GRID2: variants seen among roughly 807,000 people sequenced by gnomAD.
The protein encoded by GRID2 is glutamate receptor ionotropic, delta-2.
A neutral mutation model predicts 114.8 loss-of-function variants in GRID2; 33 were observed. That is an observed-to-expected ratio of 0.29 (90% CI 0.22 to 0.38). GRID2 has a LOEUF of 0.38. Among genes scored for constraint, GRID2 ranks in the 10% least tolerant of loss-of-function variants. The pLI is 1.00. For missense variants in GRID2, 1,184 were observed against 1,257.7 expected, an observed-to-expected ratio of 0.94 and a Z score of 0.89; for synonymous variants, 505 against 449.9, an observed-to-expected ratio of 1.12 and a Z score of -1.55.
At chr4:92,402,835 G>A (rs190538903) in intron 1 of GRID2, among the ~76,000 whole-genome samples, 95 of 152,206 alleles carry the variant, frequency 6.2e-4, no homozygotes, top group African/African-American at 2.1e-3. Flanking sequence ...TTGAAGCTTC[G>A]AAGGCAGCAA....
intron 2 of GRID2, among the ~76,000 whole-genome samples, chr4:92,991,657 T>G (rs1473045864): frequency 1.3e-5 from 2 of 152,008 alleles, no homozygotes; most frequent in African/African-American, 4.8e-5. Context: ...TGCTACACAT[T>G]TGTAGATCTG....
At chr4:92,869,717 T>A (rs1211593314) in intron 2 of GRID2, among the ~76,000 whole-genome samples, 1 of 152,176 alleles carries the variant, frequency 6.6e-6, no homozygotes, top group African/African-American at 2.4e-5. Context: ...CTTTCCTTGA[T>A]CATGCCAATC....
chr4:92,653,239 C>A (rs1465283623), intron 2 of GRID2, among the ~76,000 whole-genome samples: 7 of 149,918 alleles, frequency 4.7e-5, no homozygotes, highest in Non-Finnish European at 1.0e-4. Context: ...ATCTCGTGAT[C>A]CAGCCCCGCT....
intron 1 of GRID2, among the ~76,000 whole-genome samples, chr4:92,469,788 G>C (rs1428822646): frequency 6.6e-6 from 1 of 151,552 alleles, no homozygotes; most frequent in Non-Finnish European, 1.5e-5. Context: ...GTATGATTAA[G>C]AGTTGATGAG....
At chr4:92,611,620 G>A (rs1281344271) in intron 2 of GRID2, among the ~76,000 whole-genome samples, 2 of 151,498 alleles carry the variant, frequency 1.3e-5, no homozygotes, top group African/African-American at 4.8e-5. Context: ...ATACATTAAT[G>A]TTTACCTTCT....
At chr4:92,735,115 G>T (rs1736527344) in intron 2 of GRID2, among the ~76,000 whole-genome samples, 1 of 151,856 alleles carries the variant, frequency 6.6e-6, no homozygotes, top group Non-Finnish European at 1.5e-5. Context: ...TAGAATGTTA[G>T]TATTGAACAT....
At chr4:93,035,174 A>G (rs1384632633) in intron 2 of GRID2, among the ~76,000 whole-genome samples, 2 of 146,172 alleles carry the variant, frequency 1.4e-5, no homozygotes, top group Non-Finnish European at 3.0e-5. Context: ...AGTGCCATCT[A>G]GGCTCACTGC....
At chr4:93,208,485 C>T (rs1276365921) in intron 5 of GRID2, among the ~76,000 whole-genome samples, 3 of 151,856 alleles carry the variant, frequency 2.0e-5, no homozygotes, top group Non-Finnish European at 4.4e-5. Context: ...GATCATATCA[C>T]GTTAAAATTC....
chr4:93,594,888 G>A (rs1738897291), intron 13 of GRID2, among the ~76,000 whole-genome samples: 1 of 152,220 alleles, frequency 6.6e-6, no homozygotes, highest in African/African-American at 2.4e-5. Context: ...TCCCGAGTGA[G>A]GCAATGCCTC....
intron 13 of GRID2, among the ~76,000 whole-genome samples, chr4:93,580,785 C>A (rs751852203): frequency 5.3e-5 from 8 of 150,670 alleles, no homozygotes; most frequent in Non-Finnish European, 1.0e-4. Flanking sequence ...TATTGGTAAG[C>A]GTTTAATATC....
chr4:93,579,985 G>C (rs1045025718), intron 13 of GRID2, among the ~76,000 whole-genome samples: 3 of 152,070 alleles, frequency 2.0e-5, no homozygotes, highest in African/African-American at 4.8e-5. Flanking sequence ...TGTTATTAAG[G>C]CTCTCCAAAA....
At chr4:92,650,584 C>G (rs1024552219) in intron 2 of GRID2, among the ~76,000 whole-genome samples, 3 of 151,798 alleles carry the variant, frequency 2.0e-5, no homozygotes, top group Admixed American at 6.6e-5. Flanking sequence ...GATTCAGATA[C>G]ATGAGAAGTA....
intron 2 of GRID2, among the ~76,000 whole-genome samples, chr4:92,855,603 A>G (rs937868898): frequency 1.3e-5 from 2 of 152,020 alleles, no homozygotes; most frequent in South Asian, 2.1e-4. Context: ...GCAAATATAC[A>G]TACTATACAC....
intron 8 of GRID2, among the ~76,000 whole-genome samples, chr4:93,287,180 A>T (rs894370377): frequency 6.6e-6 from 1 of 152,156 alleles, no homozygotes; most frequent in African/African-American, 2.4e-5. Flanking sequence ...TGATTACCCT[A>T]TTGGGAAAAA....
At chr4:92,951,048 T>A (rs943375535) in intron 2 of GRID2, among the ~76,000 whole-genome samples, 3 of 152,176 alleles carry the variant, frequency 2.0e-5, no homozygotes, top group African/African-American at 7.2e-5. Flanking sequence ...TTAACCAATT[T>A]TCTCTGGAGG....
intron 3 of GRID2, among the ~76,000 whole-genome samples, chr4:93,101,365 T>C (rs1445255935): frequency 6.6e-6 from 1 of 152,062 alleles, no homozygotes; most frequent in Non-Finnish European, 1.5e-5. Flanking sequence ...CCAGGTCTTA[T>C]TTCTTCCAAG....
chr4:92,951,497 C>T (rs1215798503), intron 2 of GRID2, among the ~76,000 whole-genome samples: 2 of 151,982 alleles, frequency 1.3e-5, no homozygotes, highest in South Asian at 2.1e-4. Flanking sequence ...CACTCCACCA[C>T]AACTGGCTAA....
At chr4:93,077,351 CTCTA>C (rs1251980317) in intron 2 of GRID2, among the ~76,000 whole-genome samples, 4 of 152,106 alleles carry the variant, frequency 2.6e-5, no homozygotes, top group African/African-American at 4.8e-5. Context: ...TTTTGTCATT[CTCTA>C]TCTTTCTCTT....
chr4:92,785,465 G>A (rs1214878284), intron 2 of GRID2, among the ~76,000 whole-genome samples: 2 of 150,918 alleles, frequency 1.3e-5, no homozygotes, highest in African/African-American at 4.9e-5. Context: ...GAGAAATGAG[G>A]AGAAAAAAAA....
Sources: allele counts gnomAD v4.1 joint callset (sites outside exome capture counted in the v4.1 genomes callset), GRCh38; gene constraint gnomAD v4.1.1; transcripts MANE v1.5; gene names NCBI Gene and HGNC (gene_info 2026-07-23, HGNC 2026-07-21).